The following SPIRE1 variants were observed in gnomAD, a reference collection of about 807,000 sequenced individuals.
SPIRE1 encodes the protein protein spire homolog 1.
A neutral mutation model predicts 94.1 loss-of-function variants in SPIRE1; 40 were observed. That is an observed-to-expected ratio of 0.43 (90% confidence interval 0.33 to 0.55). The LOEUF (loss-of-function observed/expected upper bound fraction) is 0.55. Ranked by LOEUF, SPIRE1 falls within the 20% of genes least tolerant of loss-of-function variation. SPIRE1 has a pLI of 0.06. For synonymous variants in SPIRE1, 376 were observed against 371.7 expected (o/e 1.01, Z -0.13); for missense variants, 838 against 975.2 (o/e 0.86, Z 1.87).
chr18:12,594,153 G>T (rs2036609187), intron 2 of SPIRE1, among the ~76,000 whole-genome samples: 1 of 152,050 alleles, frequency 6.6e-6, no homozygotes, highest in African/African-American at 2.4e-5. Flanking sequence ...AATGTGTTAT[G>T]GGCAAAAGGA....
chr18:12,585,039 C>T (rs1216750151), intron 2 of SPIRE1, among the ~76,000 whole-genome samples: 1 of 152,072 alleles, frequency 6.6e-6, no homozygotes, highest in East Asian at 1.9e-4. Flanking sequence ...CTCTTGACCT[C>T]GTGATCCGCC....
At position 12,497,033 on chromosome 18, in the gene SPIRE1, A is replaced by G. The variant is rs542978589; in HGVS notation, c.973-931T>C. Among the ~76,000 whole-genome samples, 4 of 152,252 alleles carry G rather than the reference A, an allele frequency of 2.6e-5. No individual in the cohort carries two copies. The South Asian group carries it at 8.3e-4, about 32-fold the overall frequency. On this transcript the variant is annotated intron_variant, in intron 6 of 16. Coordinates refer to ENST00000409402, the MANE Select transcript of SPIRE1 (RefSeq NM_001128626.2). ...CAGTGAGCCGAGATCACGCTACTGC[A>G]CTCCAGCCTAGGCAACAGAGCAAGA...
chr18:12,592,547 C>T (rs941412823), intron 2 of SPIRE1, among the ~76,000 whole-genome samples: 2 of 152,206 alleles, frequency 1.3e-5, no homozygotes, highest in African/African-American at 4.8e-5. Flanking sequence ...ATTCACACAG[C>T]TCACCCGTGG....
intron 10 of SPIRE1, among the ~76,000 whole-genome samples, chr18:12,470,323 G>A (rs953937365): frequency 6.6e-6 from 1 of 152,174 alleles, no homozygotes; most frequent in Admixed American, 6.5e-5. Flanking sequence ...ATTAGCATCT[G>A]ATGTACCTTG....
intron 10 of SPIRE1, 53 bp downstream of exon 10, chr18:12,479,646 C>A (rs2032765546): frequency 6.7e-7 from 1 of 1,491,098 alleles, no homozygotes; most frequent in Non-Finnish European, 9.0e-7. Context: ...CTGCATCAGA[C>A]AGCATTAAGC....
intron 4 of SPIRE1, among the ~76,000 whole-genome samples, chr18:12,528,186 C>T (rs574371374): frequency 2.0e-5 from 3 of 152,210 alleles, no homozygotes; most frequent in Admixed American, 2.0e-4. Context: ...GGAGACATAC[C>T]TAAAAAGACT....
At chr18:12,549,657 G>T (rs1392957589) in intron 2 of SPIRE1, among the ~76,000 whole-genome samples, 1 of 151,500 alleles carries the variant, frequency 6.6e-6, no homozygotes, top group Non-Finnish European at 1.5e-5. Flanking sequence ...CACCATGTTG[G>T]CCAGGACAGT....
intron 10 of SPIRE1, among the ~76,000 whole-genome samples, chr18:12,470,542 T>C (rs1286938499): frequency 1.3e-5 from 2 of 152,134 alleles, no homozygotes; most frequent in East Asian, 1.9e-4. Context: ...TGCTAGCATA[T>C]CTTGGGTAAC....
intron 11 of SPIRE1, 102 bp from the exon 12 acceptor site, chr18:12,463,595 T>C: frequency 1.0e-6 from 1 of 957,056 alleles, no homozygotes; most frequent in Non-Finnish European, 1.5e-6. Context: ...GAATTATTTA[T>C]TTCATTGGAG....
At chr18:12,608,735 A>G (rs891882642) in intron 2 of SPIRE1, among the ~76,000 whole-genome samples, 2 of 152,224 alleles carry the variant, frequency 1.3e-5, no homozygotes, top group African/African-American at 4.8e-5. Context: ...GGCAATAATA[A>G]TATCAATAGT....
chr18:12,455,552 GGTTTCCCTACAA>G (rs2031468704), intron 12 of SPIRE1, among the ~76,000 whole-genome samples: 1 of 152,130 alleles, frequency 6.6e-6, no homozygotes, highest in Non-Finnish European at 1.5e-5. Flanking sequence ...TTGTGTTAAT[GGTTTCCCTACAA>G]GCAGCTGCGG....
At chr18:12,639,253 C>T (rs2038019904) in intron 1 of SPIRE1, among the ~76,000 whole-genome samples, 1 of 150,118 alleles carries the variant, frequency 6.7e-6, no homozygotes, top group Non-Finnish European at 1.5e-5. Flanking sequence ...CGAGACAGCG[C>T]CACTCCATCT....
At chr18:12,582,570 G>A (rs2036284256) in intron 2 of SPIRE1, among the ~76,000 whole-genome samples, 1 of 152,052 alleles carries the variant, frequency 6.6e-6, no homozygotes, top group Non-Finnish European at 1.5e-5. Flanking sequence ...GTGTCTCAAG[G>A]TAGAAAAATC....
chr18:12,563,082 T>C (rs1183381277), intron 2 of SPIRE1, among the ~76,000 whole-genome samples: 1 of 132,704 alleles, frequency 7.5e-6, no homozygotes, highest in African/African-American at 2.6e-5. Flanking sequence ...GTTTATCACT[T>C]AGATTCACAG....
At chr18:12,505,746 G>A (rs144689845) in intron 6 of SPIRE1, among the ~76,000 whole-genome samples, 5 of 152,204 alleles carry the variant, frequency 3.3e-5, no homozygotes, top group Admixed American at 1.3e-4. Context: ...TGCTTATAAA[G>A]GGACACAAGG....
chr18:12,616,580 A>G (rs1373698165), intron 2 of SPIRE1, among the ~76,000 whole-genome samples: 2 of 152,380 alleles, frequency 1.3e-5, no homozygotes, highest in East Asian at 3.9e-4. Flanking sequence ...GTTACAACCT[A>G]TAAAATGGAT....
intron 12 of SPIRE1, among the ~76,000 whole-genome samples, chr18:12,462,937 C>T (rs77148856): frequency 0.082 from 12,510 of 152,174 alleles, 737 homozygotes; most frequent in Non-Finnish European, 0.12. Flanking sequence ...ACTCTGCTGC[C>T]CAGGCTAGAG....
chr18:12,613,632 G>C (rs1374276634), intron 2 of SPIRE1, among the ~76,000 whole-genome samples: 1 of 152,188 alleles, frequency 6.6e-6, no homozygotes, highest in African/African-American at 2.4e-5. Context: ...GGGCACGGTG[G>C]CTCACACCTG....
At chr18:12,454,849 A>G (rs1252213374) in intron 12 of SPIRE1, among the ~76,000 whole-genome samples, 2 of 152,172 alleles carry the variant, frequency 1.3e-5, no homozygotes, top group Admixed American at 1.3e-4. Context: ...ATTTTGTGTC[A>G]GTTGTCTTCT....
Sources: allele counts gnomAD v4.1 joint callset (sites outside exome capture counted in the v4.1 genomes callset), GRCh38; gene constraint gnomAD v4.1.1; transcripts MANE v1.5; gene names NCBI Gene and HGNC (gene_info 2026-07-23, HGNC 2026-07-21).